The following NOSTRIN variants were observed in gnomAD, a reference collection of about 807,000 sequenced individuals.
NOSTRIN encodes the protein BM247 homolog.
A neutral mutation model predicts 59.0 loss-of-function variants in NOSTRIN; 63 were observed. The ratio of observed to expected loss-of-function variants is 1.07; its 90% CI spans 0.87 to 1.32. NOSTRIN has a LOEUF of 1.32. Ranked by LOEUF, NOSTRIN falls within the 40% of genes most tolerant of loss-of-function variation. The pLI, the probability that NOSTRIN is intolerant of heterozygous loss-of-function variation, is 0.00. For missense variants in NOSTRIN, 512 were observed against 473.1 expected (o/e 1.08, Z -0.76); for synonymous variants, 200 against 165.4 (o/e 1.21, Z -1.61).
chr2:168,845,767 A>G lies in NOSTRIN; in HGVS notation c.630+2650A>G, dbSNP rs554052365. On this transcript the variant is annotated intron_variant, in intron 8 of 15. Transcript: ENST00000317647. Reference sequence around the variant, plus strand: ...AACTTCAGCTCTAAAAATATTTAAGACCTAGTTTTAGTTTTTTTCTTCCTT... The same window carrying G: ...AACTTCAGCTCTAAAAATATTTAAGGCCTAGTTTTAGTTTTTTTCTTCCTT... Among the ~76,000 whole-genome samples the G allele has an allele frequency of 2.1e-5, 3 of 145,898 alleles. No homozygotes were observed. The East Asian group carries it at 6.0e-4, about 29-fold the overall frequency.
At chr2:168,864,351 AT>A (rs757656049) in intron 15 of NOSTRIN, among the ~76,000 whole-genome samples, 1 of 146,976 alleles carries the variant, frequency 6.8e-6, no homozygotes, top group Non-Finnish European at 1.5e-5. Context: ...CAGTGGCATG[AT>A]CTCAGCTCAC....
upstream of NOSTRIN, among the ~76,000 whole-genome samples, chr2:168,798,707 C>A (rs569594152): frequency 6.6e-6 from 1 of 152,058 alleles, no homozygotes; most frequent in Non-Finnish European, 1.5e-5. Context: ...GGACCAGAGA[C>A]GAATCTGAGA....
chr2:168,798,269 A>G (rs1158567771), upstream of NOSTRIN: 1 of 152,184 alleles, frequency 6.6e-6, no homozygotes, highest in Non-Finnish European at 1.5e-5. Flanking sequence ...GTATTTAACT[A>G]GGTCTCAATT....
chr2:168,810,194 A>G (rs188757000), intron 1 of NOSTRIN, among the ~76,000 whole-genome samples: 15 of 152,226 alleles, frequency 9.9e-5, no homozygotes, highest in African/African-American at 3.4e-4. Context: ...GAAATTAGCA[A>G]TTTCCTCATT....
At chr2:168,808,828 A>T (rs1476921904) in intron 1 of NOSTRIN, among the ~76,000 whole-genome samples, 1 of 152,214 alleles carries the variant, frequency 6.6e-6, no homozygotes, top group East Asian at 1.9e-4. Flanking sequence ...CCCAACGGGG[A>T]TTTAAAAAGA....
chr2:168,853,917 G>T (rs1264190040), intron 10 of NOSTRIN, among the ~76,000 whole-genome samples: 2 of 152,124 alleles, frequency 1.3e-5, no homozygotes, highest in African/African-American at 4.8e-5. Flanking sequence ...GCCCAGGCTG[G>T]AGTGTAGTGG....
upstream of NOSTRIN, among the ~76,000 whole-genome samples, chr2:168,801,701 C>A (rs1685618600): frequency 6.6e-6 from 1 of 152,174 alleles, no homozygotes; most frequent in Non-Finnish European, 1.5e-5. Context: ...GAACTGTCCA[C>A]AGTCTAGCAA....
upstream of NOSTRIN, among the ~76,000 whole-genome samples, chr2:168,793,791 GC>G (rs1416619978): frequency 2.6e-5 from 4 of 152,184 alleles, no homozygotes; most frequent in African/African-American, 9.7e-5. Context: ...AAGGTCCCAT[GC>G]AAACTGTGTG....
intron 3 of NOSTRIN, among the ~76,000 whole-genome samples, chr2:168,826,210 C>T (rs1252338084): frequency 1.2e-5 from 1 of 81,852 alleles, no homozygotes; most frequent in East Asian, 3.8e-4. Context: ...CGAATTGCCT[C>T]CTAAGGAATG....
At chr2:168,818,337 T>C (rs1686535017) in intron 2 of NOSTRIN, 2 of 274,726 alleles carry the variant, frequency 7.3e-6, no homozygotes, top group South Asian at 3.4e-5. Context: ...ACAAATTTTT[T>C]GTAGAAATGG....
At chr2:168,809,487 G>A (rs1330709360) in intron 1 of NOSTRIN, among the ~76,000 whole-genome samples, 1 of 152,136 alleles carries the variant, frequency 6.6e-6, no homozygotes, top group Non-Finnish European at 1.5e-5. Context: ...ACACTGAGGT[G>A]TGTTTCATGG....
intron 5 of NOSTRIN, among the ~76,000 whole-genome samples, chr2:168,831,169 C>T (rs192976883): frequency 9.2e-5 from 14 of 152,240 alleles, no homozygotes; most frequent in Admixed American, 3.3e-4. Context: ...GCAAGGCACC[C>T]ACACATTAGC....
rs745319752 is a variant in NOSTRIN, at chr2:168,864,914, G to T, written c.1465G>T (p.Ala489Ser). 6.2e-7 allele frequency: 1 copy of T among 1,614,098 alleles called. No individual in the cohort carries two copies. The highest frequency in any genetic ancestry group is 8.5e-7 in the Non-Finnish European group (1 of 1,180,000). Residue 489 changes from alanine (A) to serine (S), a missense_variant, in exon 16 of 16, where the codon GCC (alanine) becomes TCC (serine). Physicochemically the swap from Ala to Ser is moderately conservative, Grantham distance 99. Coordinates refer to ENST00000317647, the MANE Select transcript of NOSTRIN (RefSeq NM_001039724.4). ...GAATGGGAAAAAAGGCCATTTTCCT[G>T]CCGCTTATGTGGAGGAGTTACCTTC... ...SLNGKKGHFP[A>S]AYVEELPSNA...
chr2:168,858,971 T>G (rs1283479848), intron 12 of NOSTRIN: 3 of 152,504 alleles, frequency 2.0e-5, no homozygotes, highest in Non-Finnish European at 4.4e-5. Context: ...CTTGACTTAT[T>G]ATGTTTATAC....
At chr2:168,856,421 G>T in intron 11 of NOSTRIN, 1 of 385,806 alleles carries the variant, frequency 2.6e-6, no homozygotes, top group South Asian at 2.8e-5. Context: ...CTAAAAATAC[G>T]AAAATTAGCC....
At chr2:168,855,638 C>CAAAAAAAAAAAAAAAAAAAAAAAAACA in intron 11 of NOSTRIN, 178 bp downstream of exon 11, 1 of 115,544 alleles carries the variant, frequency 8.7e-6, no homozygotes, top group Non-Finnish European at 1.6e-5. Context: ...AAAAGAAAGC[C>CAAAAAAAAAAAAAAAAAAAAAAAAACA]AAAAAAAAAA....
At chr2:168,820,108 C>G (rs912057084) in intron 2 of NOSTRIN, among the ~76,000 whole-genome samples, 4 of 152,178 alleles carry the variant, frequency 2.6e-5, no homozygotes, top group Non-Finnish European at 5.9e-5. Context: ...CCACTTCTCC[C>G]ACAATTCTCC....
rs62176770 is a variant in NOSTRIN, at chr2:168,865,130, A to G, written c.*160A>G. The G allele has an allele frequency of 0.053, 40,418 of 762,820 alleles. 1,895 individuals are homozygous for G. Among genetic ancestry groups the G allele is most frequent in the African/African-American group, 0.21 (11,647 of 56,770 alleles). 47.3% of individuals were successfully genotyped at this position (762,820 alleles called of 1,614,324 possible). A position where few individuals can be genotyped will look rare whatever the true frequency, so the allele number is the denominator to read the frequency against. Reference sequence around the variant, plus strand: ...TTTGCATTCATGATTATTAGCTTGAAACAGTCAGAAAAAAGATGGATGGGT... The same window carrying G: ...TTTGCATTCATGATTATTAGCTTGAGACAGTCAGAAAAAAGATGGATGGGT... On this transcript the variant is annotated 3_prime_UTR_variant, in exon 16 of 16. Transcript: ENST00000317647.
At chr2:168,839,896 A>G (rs1262503314) in intron 7 of NOSTRIN, among the ~76,000 whole-genome samples, 5 of 45,102 alleles carry the variant, frequency 1.1e-4, no homozygotes, top group Non-Finnish European at 3.7e-5. Context: ...AAAAAAAAAA[A>G]AAAAATATAT....
Sources: allele counts gnomAD v4.1 joint callset (sites outside exome capture counted in the v4.1 genomes callset), GRCh38; gene constraint gnomAD v4.1.1; transcripts MANE v1.5; gene names NCBI Gene and HGNC (gene_info 2026-07-23, HGNC 2026-07-21).